RESF1: variants seen among roughly 807,000 people sequenced by gnomAD.
RESF1 encodes retroelement silencing factor 1.
Under a neutral mutation model 134.7 loss-of-function variants are expected in RESF1, and 65 were observed. The ratio of observed to expected loss-of-function variants is 0.48; its 90% CI spans 0.40 to 0.59. RESF1 has a LOEUF of 0.59. RESF1 is among the 20% of genes least tolerant of loss of function. The probability of loss-of-function intolerance (pLI) is 0.00; values close to 1 mark genes in which losing one functional copy is unlikely to be tolerated. For missense variants in RESF1, 2,274 were observed against 2,002.7 expected, an observed-to-expected ratio of 1.14 and a Z score of -2.59; for synonymous variants, 762 against 702.2, an observed-to-expected ratio of 1.09 and a Z score of -1.35.
At position 31,983,394 on chromosome 12, in the gene RESF1, T is replaced by A; in HGVS notation, c.2439T>A (p.Ala813=). The part of the protein sequence containing the change: ...QLAENAKATA[A]LKVDVSGPVA... The stretch of plus-strand genomic sequence containing the variant: ...CAGAAAATGCAAAGGCAACTGCTGC[T>A]TTGAAAGTTGATGTTAGTGGACCAG... The change falls in exon 4 of 6, where the codon GCT becomes GCA. Residue 813 remains alanine, a synonymous_variant. Coordinates refer to ENST00000312561, the MANE Select transcript of RESF1 (RefSeq NM_018169.4). 6.2e-7 allele frequency: 1 copy of A among 1,614,074 alleles called. No homozygotes were observed. Among genetic ancestry groups the A allele is most frequent in the Non-Finnish European group, 8.5e-7 (1 of 1,180,028 alleles).
intron 2 of RESF1, among the ~76,000 whole-genome samples, chr12:31,967,240 C>G (rs943185773): frequency 2.0e-5 from 3 of 152,166 alleles, no homozygotes; most frequent in Non-Finnish European, 4.4e-5. Flanking sequence ...TGGCCTTTTG[C>G]TGACTGCAGT....
At chr12:31,978,893 T>G (rs1396928798) in intron 3 of RESF1, among the ~76,000 whole-genome samples, 1 of 151,006 alleles carries the variant, frequency 6.6e-6, no homozygotes, top group Non-Finnish European at 1.5e-5. Context: ...CAGAAATTCT[T>G]ATCTTAGATT....
intron 3 of RESF1, among the ~76,000 whole-genome samples, chr12:31,980,658 G>A (rs1939761346): frequency 6.6e-6 from 1 of 152,150 alleles, no homozygotes; most frequent in Admixed American, 6.5e-5. Flanking sequence ...CAAAAAGCTA[G>A]CTGTCATTGT....
At chr12:31,965,107 C>A (rs1017847200) in intron 2 of RESF1, among the ~76,000 whole-genome samples, 1 of 152,164 alleles carries the variant, frequency 6.6e-6, no homozygotes, top group Non-Finnish European at 1.5e-5. Context: ...CAGACACTTG[C>A]CACCACACCG....
At position 31,983,670 on chromosome 12, in the gene RESF1, C is replaced by A. The variant is rs774642389; in HGVS notation, c.2715C>A (p.Tyr905Ter). Residue 905 changes from tyrosine to a stop codon, truncating the protein, a stop_gained, in exon 4 of 6, where the codon TAC becomes TAA. Transcript: ENST00000312561. LOFTEE classifies it high-confidence loss of function. ...CTCTGGTTGAAGGTGATACCTCTTA[C>A]AATTCCCAAATAGCAAAGATATTCA... ...ICSLVEGDTS[Y>*]NSQIAKIFSS... The A allele has an allele frequency of 3.7e-6, 6 of 1,613,946 alleles. No homozygotes were observed. Among genetic ancestry groups the A allele is most frequent in the Admixed American group, 1.7e-5 (1 of 60,016 alleles).
chr12:31,968,018 A>G (rs926971014), intron 2 of RESF1, among the ~76,000 whole-genome samples: 6 of 152,208 alleles, frequency 3.9e-5, no homozygotes, highest in Non-Finnish European at 7.3e-5. Context: ...AAATTGTGTT[A>G]CATTTGGAAT....
At position 31,985,876 on chromosome 12, in the gene RESF1, A is replaced by G. The variant is rs1482101037; in HGVS notation, c.4921A>G (p.Ile1641Val). The change falls in exon 4 of 6, where the codon ATC (isoleucine) becomes GTC (valine). Residue 1641 changes from isoleucine (I) to valine (V), a missense_variant. Transcript: ENST00000312561. ...NMLEFKLCPD[I>V]LLKNTNSVEE... ...GCTGGAGTTTAAATTATGTCCAGAT[A>G]TCTTACTAAAGAATACAAACTCTGT... 1.3e-6 allele frequency: 2 copies of G among 1,545,054 alleles called. No individual in the cohort carries two copies. Among genetic ancestry groups the G allele is most frequent in the Non-Finnish European group, 1.7e-6 (2 of 1,154,970 alleles).
intron 3 of RESF1, among the ~76,000 whole-genome samples, chr12:31,973,689 A>C (rs10844077): frequency 0.72 from 109,496 of 151,322 alleles, 39,715 homozygotes; most frequent in East Asian, 0.79. Context: ...AAAAAAAAAA[A>C]CCAAATTAAC....
intron 5 of RESF1, among the ~76,000 whole-genome samples, chr12:31,990,609 T>C (rs553996349): frequency 1.3e-5 from 2 of 152,010 alleles, no homozygotes; most frequent in Admixed American, 1.3e-4. Flanking sequence ...CCTGGCTGAT[T>C]GTTGTATTTT....
In RESF1 at chr12:31,987,331, A is replaced by G; in HGVS notation, c.5086+9A>G. The G allele has an allele frequency of 1.4e-6, 2 of 1,476,196 alleles. No homozygotes were observed. The highest frequency in any genetic ancestry group is 2.3e-5 in the East Asian group (1 of 44,024). 91.4% of individuals were successfully genotyped at this position (1,476,196 alleles called of 1,614,324 possible). On this transcript the variant is annotated intron_variant, in intron 5 of 5. Transcript: ENST00000312561. ...AGACAGCCAAGAGAGAGGTAAAGTC[A>G]TCTTTTTAAATCTTCATTCACTTAT... is the stretch of plus-strand genomic sequence containing the variant.
Position 31,985,099 on chromosome 12 carries a change from G to A in RESF1, c.4144G>A (p.Val1382Ile), listed in dbSNP as rs762498738. 27 of 1,558,836 alleles carry A rather than the reference G, an allele frequency of 1.7e-5. No homozygotes were observed. Among genetic ancestry groups the A allele is most frequent in the Middle Eastern group, 1.7e-4 (1 of 5,812 alleles). Residue 1382 changes from valine (V) to isoleucine (I), a missense_variant, in exon 4 of 6, where the codon GTA becomes ATA. Val to Ile is a conservative substitution (Grantham distance 29). Transcript: ENST00000312561. ...AAAACGAAAGTTAGACCAAGGGAACGTATTAGATATGGAAGTAAAGAAAAA... is the reference window on the plus strand; with the variant it reads ...AAAACGAAAGTTAGACCAAGGGAACATATTAGATATGGAAGTAAAGAAAAA... ...KQKRKLDQGN[V>I]LDMEVKKKKH... is the part of the protein sequence containing the mutation.
At chr12:31,979,366 A>C (rs1449631709) in intron 3 of RESF1, among the ~76,000 whole-genome samples, 3 of 152,310 alleles carry the variant, frequency 2.0e-5, no homozygotes, top group Non-Finnish European at 4.4e-5. Context: ...TAAAGGGCTC[A>C]GTCCTACAAG....
chr12:31,971,848 A>G (rs1939515198), intron 3 of RESF1, among the ~76,000 whole-genome samples: 2 of 152,186 alleles, frequency 1.3e-5, no homozygotes, highest in African/African-American at 4.8e-5. Flanking sequence ...TCTGTTACTT[A>G]TAGCAGAATA....
At chr12:31,979,826 G>C (rs1311420276) in intron 3 of RESF1, among the ~76,000 whole-genome samples, 1 of 151,868 alleles carries the variant, frequency 6.6e-6, no homozygotes, top group Non-Finnish European at 1.5e-5. Flanking sequence ...CAGACTGCTG[G>C]GATTACAGGC....
rs978793203 is a variant in RESF1, at chr12:31,977,806, T to C, written c.-78-3072T>C. ...TAATTACTTTTTCTTTCTTTCTTTT[T>C]TTTTTTTTTTTTTTTTGAGACAAGA... On this transcript the variant is annotated intron_variant, in intron 3 of 5. Transcript: ENST00000312561. Among the ~76,000 whole-genome samples the C allele has an allele frequency of 3.3e-3, 352 of 107,832 alleles. 1 individual carries two copies. Among genetic ancestry groups the C allele is most frequent in the African/African-American group, 8.7e-3 (220 of 25,188 alleles). 70.7% of individuals were successfully genotyped at this position (107,832 alleles called of 152,430 possible). A position where few individuals can be genotyped will look rare whatever the true frequency, so the allele number is the denominator to read the frequency against.
At chr12:31,970,422 T>C (rs1297471780) in intron 3 of RESF1, 66 bp downstream of exon 3, 1 of 152,250 alleles carries the variant, frequency 6.6e-6, no homozygotes, top group Non-Finnish European at 1.5e-5. Context: ...AGACATCTAC[T>C]TCCTTGTTGA....
chr12:31,977,118 T>C (rs1198293507), intron 3 of RESF1, among the ~76,000 whole-genome samples: 2 of 152,218 alleles, frequency 1.3e-5, no homozygotes, highest in African/African-American at 4.8e-5. Context: ...TTTATGGACC[T>C]TTTTTCTTAT....
rs1939815708 is a variant in RESF1, at chr12:31,982,218, G to A, written c.1263G>A (p.Leu421=). The part of the protein sequence containing the change: ...ARKIKINKDL[L]MAAGCIKMTN... Reference sequence around the variant, plus strand: ...AAATTAAAATCAATAAAGATCTTTTGATGGCAGCAGGTTGTATTAAAATGA... The same window carrying A: ...AAATTAAAATCAATAAAGATCTTTTAATGGCAGCAGGTTGTATTAAAATGA... The change falls in exon 4 of 6, where the codon TTG becomes TTA. Residue 421 remains leucine, a synonymous_variant. Coordinates refer to ENST00000312561, the MANE Select transcript of RESF1 (RefSeq NM_018169.4). 2 of 1,612,126 alleles carry A rather than the reference G, an allele frequency of 1.2e-6. No homozygotes were observed. Among genetic ancestry groups the A allele is most frequent in the Non-Finnish European group, 1.7e-6 (2 of 1,179,612 alleles).
At chr12:31,973,840 G>A (rs932457369) in intron 3 of RESF1, among the ~76,000 whole-genome samples, 3 of 152,040 alleles carry the variant, frequency 2.0e-5, no homozygotes, top group Admixed American at 6.6e-5. Context: ...CTTCCCATCC[G>A]CAAACTGTTT....
Sources: allele counts gnomAD v4.1 joint callset (sites outside exome capture counted in the v4.1 genomes callset), GRCh38; gene constraint gnomAD v4.1.1; transcripts MANE v1.5; gene names NCBI Gene and HGNC (gene_info 2026-07-23, HGNC 2026-07-21).